Variants in DENND5A observed in about 807,000 individuals in gnomAD.
The protein encoded by DENND5A is DENN domain containing 5A, also known as DENN domain-containing protein 5A.
Under a neutral mutation model 140.3 loss-of-function variants are expected in DENND5A, and 64 were observed. The observed-to-expected ratio is 0.46, with a 90% CI of 0.37 to 0.56. DENND5A has a LOEUF of 0.56. Ranked by LOEUF, DENND5A falls within the 20% of genes least tolerant of loss-of-function variation. The probability of loss-of-function intolerance (pLI) is 0.00; values close to 1 mark genes in which losing one functional copy is unlikely to be tolerated. For missense variants in DENND5A, 1,292 were observed against 1,593.8 expected (o/e 0.81, Z 3.22); for synonymous variants, 605 against 607.7 (o/e 1.00, Z 0.07).
Position 9,203,843 on chromosome 11 carries a change from G to A in DENND5A, c.766C>T (p.Pro256Ser). The A allele has an allele frequency of 5.0e-6, 8 of 1,614,208 alleles. No homozygotes were observed. Among genetic ancestry groups the A allele is most frequent in the Non-Finnish European group, 6.8e-6 (8 of 1,180,032 alleles). The part of the protein sequence containing the change: ...NVLYEVPLPP[P>S]GRSLKFSGVY... ...CCAGAAAACTTCAAGGACCGGCCAG[G>A]AGGTGGGAGCGGCACCTCGTAGAGT... Residue 256 changes from proline (P) to serine (S), a missense_variant, in exon 4 of 23, where the codon CCT becomes TCT. By Grantham distance (74) the Pro-to-Ser change is moderately conservative (BLOSUM62 -1). Transcript: ENST00000328194.
chr11:9,250,043 T>TC (rs145412972), intron 1 of DENND5A, among the ~76,000 whole-genome samples: 1 of 115,372 alleles, frequency 8.7e-6, no homozygotes, highest in Non-Finnish European at 1.9e-5. Context: ...AAAATAAAAT[T>TC]TAAAAAAAAA....
chr11:9,220,355 C>A (rs964390701), intron 1 of DENND5A, among the ~76,000 whole-genome samples: 1 of 152,018 alleles, frequency 6.6e-6, no homozygotes, highest in Non-Finnish European at 1.5e-5. Context: ...CAAGACCAGT[C>A]TGACCAACAT....
Position 9,144,282 on chromosome 11 carries a change from AAG to A in DENND5A, c.3123-6_3123-5del. ...TAACCACCGGCCACACGGGAACCTG[AAG>A]ATCAGACAATGGACTGTCAGAGCAG... is the stretch of plus-strand genomic sequence containing the variant. On this transcript the variant is annotated splice_region_variant and splice_polypyrimidine_tract_variant and intron_variant, in intron 18 of 22. Coordinates refer to ENST00000328194, the MANE Select transcript of DENND5A (RefSeq NM_015213.4). 1 of 1,613,706 alleles carries A rather than the reference AAG, an allele frequency of 6.2e-7. No homozygotes were observed. The highest frequency in any genetic ancestry group is 8.5e-7 in the Non-Finnish European group (1 of 1,179,964).
chr11:9,257,959 A>G (rs1203751551), intron 1 of DENND5A, among the ~76,000 whole-genome samples: 2 of 150,666 alleles, frequency 1.3e-5, no homozygotes, highest in East Asian at 3.9e-4. Context: ...GGCCCGGCTA[A>G]TTTTTGTATC....
intron 1 of DENND5A, among the ~76,000 whole-genome samples, chr11:9,243,580 T>G (rs1851334489): frequency 1.3e-5 from 2 of 152,112 alleles, no homozygotes; most frequent in South Asian, 2.1e-4. Context: ...TTCCACTTCC[T>G]GAAGGATAAA....
chr11:9,216,899 G>A lies in DENND5A; in HGVS notation c.110-9267C>T, dbSNP rs1270931369. On this transcript the variant is annotated intron_variant, in intron 1 of 22. Transcript: ENST00000328194. ...ATAATAATAATAATAAGCCAGGCATGGTGGTATGCATCTGTAGTACCAGCT... is the reference window on the plus strand; with the variant it reads ...ATAATAATAATAATAAGCCAGGCATAGTGGTATGCATCTGTAGTACCAGCT... Among the ~76,000 whole-genome samples, 3 of 152,112 alleles carry A rather than the reference G, an allele frequency of 2.0e-5. 1 individual carries two copies. Among genetic ancestry groups the A allele is most frequent in the Admixed American group, 2.0e-4 (3 of 15,256 alleles).
chr11:9,206,892 G>A, intron 2 of DENND5A, 110 bp from the exon 3 acceptor site: 1 of 740,678 alleles, frequency 1.4e-6, no homozygotes, highest in South Asian at 1.6e-5. Flanking sequence ...AAGGCAAGGG[G>A]GTTAGTATGC....
At chr11:9,229,951 CT>C (rs1564928457) in intron 1 of DENND5A, among the ~76,000 whole-genome samples, 3 of 119,642 alleles carry the variant, frequency 2.5e-5, no homozygotes, top group Non-Finnish European at 4.8e-5. Context: ...GTCACCCAGG[CT>C]AGAGTGCAGT....
chr11:9,145,627 A>G (rs1323308371), intron 17 of DENND5A, 43 bp downstream of exon 17: 4 of 1,611,000 alleles, frequency 2.5e-6, no homozygotes, highest in Non-Finnish European at 3.4e-6. Context: ...CGGCTGTTGC[A>G]AACTCAGATC....
Position 9,181,025 on chromosome 11 carries a change from T to G in DENND5A, c.1197A>C (p.Pro399=). The change falls in exon 6 of 23, where the codon CCA becomes CCC. Residue 399 remains proline (P), a synonymous_variant. Coordinates refer to ENST00000328194, the MANE Select transcript of DENND5A (RefSeq NM_015213.4). ...CAAACTCCAATTTGTTGGGGAACTG[T>G]GGCAAGTCCTCTGGCAACTCAATGA... The part of the protein sequence containing the change: ...NHFIELPEDL[P]QFPNKLEFVQ... 6.2e-7 allele frequency: 1 copy of G among 1,614,162 alleles called. No individual in the cohort carries two copies. Among genetic ancestry groups the G allele is most frequent in the Non-Finnish European group, 8.5e-7 (1 of 1,180,024 alleles).
At chr11:9,186,243 G>C (rs1848909147) in intron 5 of DENND5A, among the ~76,000 whole-genome samples, 1 of 152,160 alleles carries the variant, frequency 6.6e-6, no homozygotes, top group Admixed American at 6.6e-5. Flanking sequence ...CTAGTCAAAA[G>C]GCCAATAAAT....
intron 8 of DENND5A, among the ~76,000 whole-genome samples, chr11:9,173,359 T>A (rs1848437592): frequency 1.3e-5 from 2 of 152,228 alleles, no homozygotes; most frequent in Non-Finnish European, 2.9e-5. Context: ...ACAGTTAATG[T>A]ATTAGATTTT....
intron 1 of DENND5A, among the ~76,000 whole-genome samples, chr11:9,213,829 A>G (rs550109165): frequency 6.7e-6 from 1 of 149,964 alleles, no homozygotes; most frequent in African/African-American, 2.5e-5. Flanking sequence ...GAAGAAGAAG[A>G]AGCAGTGAGC....
intron 1 of DENND5A, among the ~76,000 whole-genome samples, chr11:9,228,190 C>T (rs1160802101): frequency 1.3e-5 from 2 of 150,014 alleles, no homozygotes. Flanking sequence ...CCTTTGGAAT[C>T]TCCCAGATGA....
At chr11:9,195,705 A>G (rs779351752) in intron 4 of DENND5A, among the ~76,000 whole-genome samples, 14 of 152,216 alleles carry the variant, frequency 9.2e-5, no homozygotes, top group Non-Finnish European at 1.8e-4. Flanking sequence ...GCTCACTAAT[A>G]AAGCTTTGAA....
intron 1 of DENND5A, chr11:9,242,550 G>A (rs776402771): frequency 6.6e-6 from 1 of 152,110 alleles, no homozygotes; most frequent in South Asian, 2.1e-4. Context: ...GGGAGAACAG[G>A]CTTCCAATTC....
chr11:9,197,187 C>G, intron 4 of DENND5A, among the ~76,000 whole-genome samples: 1 of 151,314 alleles, frequency 6.6e-6, no homozygotes, highest in South Asian at 2.1e-4. Flanking sequence ...TGCCTGTAAT[C>G]CCAGCTACTA....
intron 4 of DENND5A, among the ~76,000 whole-genome samples, chr11:9,198,559 C>T (rs546728000): frequency 7.3e-5 from 11 of 150,886 alleles, no homozygotes; most frequent in African/African-American, 2.4e-4. Flanking sequence ...TGCAGTGAGC[C>T]GAGATTGCGC....
intron 1 of DENND5A, among the ~76,000 whole-genome samples, chr11:9,208,614 A>G (rs1224047477): frequency 6.6e-6 from 1 of 151,966 alleles, no homozygotes; most frequent in Non-Finnish European, 1.5e-5. Context: ...TCTCTCCTCT[A>G]TTTTCTCTGA....
Sources: gnomAD v4.1 joint callset for allele counts (sites outside exome capture counted in the v4.1 genomes callset) on GRCh38, gnomAD v4.1.1 for gene constraint, MANE v1.5 for transcripts, NCBI Gene and HGNC (gene_info 2026-07-23, HGNC 2026-07-21) for gene names.